DPYD: variants seen among roughly 807,000 people sequenced by gnomAD.
DPYD encodes the protein dihydropyrimidine dehydrogenase [NADP(+)].
DPYD carries 109 observed loss-of-function variants against 116.2 expected under a neutral mutation model. The ratio of observed to expected loss-of-function variants is 0.94; its 90% CI spans 0.80 to 1.10. The LOEUF is 1.10. Ranked by LOEUF, DPYD falls within the 50% of genes least tolerant of loss-of-function variation. DPYD has a pLI of 0.00. For synonymous variants in DPYD, 440 were observed against 432.0 expected, an observed-to-expected ratio of 1.02 and a Z score of -0.23; for missense variants, 1,302 against 1,254.5, an observed-to-expected ratio of 1.04 and a Z score of -0.57.
At chr1:97,355,579 C>T (rs1670387767) in intron 16 of DPYD, among the ~76,000 whole-genome samples, 1 of 152,148 alleles carries the variant, frequency 6.6e-6, no homozygotes, top group South Asian at 2.1e-4. Flanking sequence ...TCTCCCTATT[C>T]TCCCCACCCC....
intron 16 of DPYD, among the ~76,000 whole-genome samples, chr1:97,372,881 G>C (rs1469536541): frequency 6.6e-6 from 1 of 152,074 alleles, no homozygotes; most frequent in Non-Finnish European, 1.5e-5. Flanking sequence ...TTCCTTCTGG[G>C]CTTAAAAGGT....
chr1:97,221,146 A>G (rs1234438508), intron 19 of DPYD, among the ~76,000 whole-genome samples: 1 of 152,236 alleles, frequency 6.6e-6, no homozygotes, highest in Non-Finnish European at 1.5e-5. Flanking sequence ...ATAAAATTAT[A>G]TGATTGGGTA....
chr1:97,369,285 C>T (rs915968718), intron 16 of DPYD, among the ~76,000 whole-genome samples: 1 of 152,018 alleles, frequency 6.6e-6, no homozygotes, highest in Non-Finnish European at 1.5e-5. Context: ...CAGAGAAGCA[C>T]CTTGAGTCGC....
chr1:97,797,697 ACT>A (rs1038389858), intron 3 of DPYD: 1 of 152,060 alleles, frequency 6.6e-6, no homozygotes, highest in Non-Finnish European at 1.5e-5. Context: ...GGCTGGGCAT[ACT>A]GTTTATATTA....
intron 20 of DPYD, among the ~76,000 whole-genome samples, chr1:97,148,247 T>G (rs1654772441): frequency 7.9e-6 from 1 of 126,612 alleles, no homozygotes; most frequent in African/African-American, 3.6e-5. Context: ...GGTGTGTGTG[T>G]GTGTGTGGGG....
intron 13 of DPYD, among the ~76,000 whole-genome samples, chr1:97,470,824 C>T (rs969448311): frequency 1.3e-5 from 2 of 151,968 alleles, no homozygotes; most frequent in African/African-American, 4.8e-5. Context: ...ATAGCGAAAC[C>T]CCATCAAGTA....
chr1:97,497,408 A>T (rs1679332255), intron 13 of DPYD, among the ~76,000 whole-genome samples: 1 of 151,880 alleles, frequency 6.6e-6, no homozygotes, highest in Non-Finnish European at 1.5e-5. Flanking sequence ...ATTTGCTATT[A>T]CACCATGTTT....
intron 6 of DPYD, among the ~76,000 whole-genome samples, chr1:97,694,996 G>C (rs140444300): frequency 8.5e-5 from 13 of 152,238 alleles, no homozygotes; most frequent in African/African-American, 3.1e-4. Flanking sequence ...TTAACTTGCA[G>C]AACTACAGTT....
At chr1:97,344,478 C>A (rs1669740150) in intron 16 of DPYD, among the ~76,000 whole-genome samples, 1 of 151,786 alleles carries the variant, frequency 6.6e-6, no homozygotes, top group South Asian at 2.1e-4. Context: ...GGTGTCTATT[C>A]TTTTCATTCT....
rs1028837888 is a variant in DPYD, at chr1:97,585,567, T to A, written c.1128+7651A>T. On this transcript the variant is annotated intron_variant, in intron 10 of 22. Transcript: ENST00000370192. ...TAGAATTTAGAATTTTAGAAAAAAATTTTAAAATTTTTTAAAAAATCACTT... is the reference window on the plus strand; with the variant it reads ...TAGAATTTAGAATTTTAGAAAAAAAATTTAAAATTTTTTAAAAAATCACTT... Among the ~76,000 whole-genome samples the A allele has an allele frequency of 3.9e-5, 6 of 152,134 alleles. 1 individual carries two copies. The highest frequency in any genetic ancestry group is 1.2e-4 in the African/African-American group (5 of 41,434).
At chr1:97,362,684 C>T (rs374858116) in intron 16 of DPYD, among the ~76,000 whole-genome samples, 102 of 152,106 alleles carry the variant, frequency 6.7e-4, no homozygotes, top group Middle Eastern at 3.4e-3. Flanking sequence ...ACAAACCTGA[C>T]GAAAACAAGA....
At chr1:97,895,539 A>T (rs1272822580) in intron 1 of DPYD, among the ~76,000 whole-genome samples, 1 of 151,748 alleles carries the variant, frequency 6.6e-6, no homozygotes, top group African/African-American at 2.4e-5. Context: ...AAATATATAT[A>T]TGGGCTGGCA....
rs117945569 is a variant in DPYD at position 97,091,640 on chromosome 1, G to A, written c.2766+6849C>T. 7.2e-4 allele frequency among the ~76,000 whole-genome samples: 109 copies of A among 152,274 alleles called. 1 individual carries two copies. In the East Asian group the frequency reaches 9.1e-3, roughly 13 times the overall value. ...ATAATGGGCAAAATGGCAGGGACTTGTATAAAAATGACAATAACTGTGGCT... is the reference window on the plus strand; with the variant it reads ...ATAATGGGCAAAATGGCAGGGACTTATATAAAAATGACAATAACTGTGGCT... On this transcript the variant is annotated intron_variant, in intron 21 of 22. Coordinates refer to ENST00000370192, the MANE Select transcript of DPYD (RefSeq NM_000110.4).
At chr1:97,142,803 A>C (rs1654326867) in intron 20 of DPYD, among the ~76,000 whole-genome samples, 1 of 151,928 alleles carries the variant, frequency 6.6e-6, no homozygotes, top group Admixed American at 6.6e-5. Context: ...GATTCTTTTA[A>C]ATTTGGTTCT....
intron 8 of DPYD, among the ~76,000 whole-genome samples, chr1:97,677,888 AAAAC>A (rs1660228406): frequency 1.3e-5 from 2 of 152,352 alleles, no homozygotes; most frequent in South Asian, 4.1e-4. Context: ...GGACAGCTGC[AAAAC>A]AAACATTACT....
chr1:97,525,978 A>AGTGTGTGTGT (rs71071658), intron 12 of DPYD, among the ~76,000 whole-genome samples: 4,842 of 138,138 alleles, frequency 0.035, 124 homozygotes, highest in South Asian at 0.073. Context: ...GGTAATTAAG[A>AGTGTGTGTGT]GTGTGTGTGT....
chr1:97,335,009 G>A (rs1570547218), intron 16 of DPYD, among the ~76,000 whole-genome samples: 1 of 152,136 alleles, frequency 6.6e-6, no homozygotes, highest in Non-Finnish European at 1.5e-5. Context: ...GACCCAAAGA[G>A]TAGGTTTTTA....
chr1:97,735,601 T>A (rs1219633298), intron 4 of DPYD, among the ~76,000 whole-genome samples: 1 of 150,192 alleles, frequency 6.7e-6, no homozygotes, highest in Non-Finnish European at 1.5e-5. Flanking sequence ...GGCAGGAGAA[T>A]GGCGTGAACC....
intron 18 of DPYD, 21 bp from the exon 19 acceptor site, chr1:97,235,015 C>G: frequency 6.2e-7 from 1 of 1,614,016 alleles, no homozygotes; most frequent in African/African-American, 1.3e-5. Flanking sequence ...TCAGAATAAT[C>G]AATGGTTAGC....
Sources: allele counts gnomAD v4.1 joint callset (sites outside exome capture counted in the v4.1 genomes callset), GRCh38; gene constraint gnomAD v4.1.1; transcripts MANE v1.5; gene names NCBI Gene and HGNC (gene_info 2026-07-23, HGNC 2026-07-21).